UBR2: variants seen among roughly 807,000 people sequenced by gnomAD.
UBR2 encodes ubiquitin protein ligase E3 component n-recognin 2, also known as E3 ubiquitin-protein ligase UBR2.
Under a neutral mutation model 247.9 loss-of-function variants are expected in UBR2, and 92 were observed. The ratio of observed to expected loss-of-function variants is 0.37; its 90% CI spans 0.31 to 0.44. The LOEUF is 0.44. Among genes scored for constraint, UBR2 ranks in the 20% least tolerant of loss-of-function variants. UBR2 has a pLI of 1.00. For synonymous variants in UBR2, 672 were observed against 693.5 expected (o/e 0.97, Z 0.49); for missense variants, 1,613 against 2,112.6 (o/e 0.76, Z 4.64).
intron 11 of UBR2, among the ~76,000 whole-genome samples, chr6:42,624,478 CT>C (rs1215323197): frequency 2.0e-5 from 3 of 152,060 alleles, no homozygotes; most frequent in African/African-American, 4.8e-5. Flanking sequence ...CCAACAGATT[CT>C]TTCTGCCCAC....
At chr6:42,670,629 A>ATTTACCATT (rs1198937970) in intron 35 of UBR2, 31 bp from the exon 36 acceptor site, 3 of 1,408,620 alleles carry the variant, frequency 2.1e-6, no homozygotes, top group Non-Finnish European at 3.0e-6. Context: ...ATAACATAAC[A>ATTTACCATT]TTTACCATTT....
intron 8 of UBR2, among the ~76,000 whole-genome samples, chr6:42,614,447 T>TATACGTATATATGTATGTATGTAC (rs1562312451): frequency 5.0e-5 from 3 of 59,630 alleles, no homozygotes; most frequent in Non-Finnish European, 1.0e-4. Flanking sequence ...TACGTACATA[T>TATACGTATATATGTATGTATGTAC]ATATGTATGG....
intron 22 of UBR2, among the ~76,000 whole-genome samples, chr6:42,648,986 A>G (rs1361965154): frequency 6.6e-6 from 1 of 152,044 alleles, no homozygotes; most frequent in African/African-American, 2.4e-5. Context: ...TTTTTACATA[A>G]TATACTTTGT....
At position 42,692,908 on chromosome 6, in the gene UBR2, C is replaced by G. The variant is rs117477044; in HGVS notation, c.*1735C>G. The G allele has an allele frequency of 6.6e-6, 1 of 152,276 alleles. No homozygotes were observed. The highest frequency in any genetic ancestry group is 6.5e-5 in the Admixed American group (1 of 15,298). 9.4% of individuals were successfully genotyped at this position (152,276 alleles called of 1,614,324 possible). On this transcript the variant is annotated 3_prime_UTR_variant, in exon 47 of 47. Coordinates refer to ENST00000372901, the MANE Select transcript of UBR2 (RefSeq NM_001363705.2). ...CACATTTGAGTCCACCTCTCTCCCC[C>G]TTTTTCTGGCCTTCATTCATAAGAT...
intron 4 of UBR2, among the ~76,000 whole-genome samples, chr6:42,599,897 G>A (rs1793248911): frequency 6.6e-6 from 1 of 152,036 alleles, no homozygotes; most frequent in Non-Finnish European, 1.5e-5. Flanking sequence ...CGCCTAGCTA[G>A]AATTGTTTTT....
At chr6:42,687,484 A>G (rs1441151680) in intron 44 of UBR2, among the ~76,000 whole-genome samples, 1 of 152,078 alleles carries the variant, frequency 6.6e-6, no homozygotes, top group Non-Finnish European at 1.5e-5. Flanking sequence ...CAAAGGGGAG[A>G]GGGAGAGAAG....
Position 42,691,579 on chromosome 6 carries a change from A to G in UBR2, c.*406A>G, listed in dbSNP as rs1799753085. 3.9e-6 allele frequency: 1 copy of G among 256,650 alleles called. No individual in the cohort carries two copies. The highest frequency in any genetic ancestry group is 2.3e-5 in the African/African-American group (1 of 42,704). The allele number at this position is 256,650 out of a possible 1,614,324, so 15.9% of individuals were successfully genotyped here. On this transcript the variant is annotated 3_prime_UTR_variant, in exon 47 of 47. Transcript: ENST00000372901. ...CTGTTGGGTCATACTTCCTGGTTCC[A>G]CTGAGTGGCCCAACACTGGGACTGG...
At chr6:42,602,198 TTC>T (rs1793425112) in intron 4 of UBR2, among the ~76,000 whole-genome samples, 1 of 151,258 alleles carries the variant, frequency 6.6e-6, no homozygotes, top group African/African-American at 2.4e-5. Flanking sequence ...TTTTTTTTTT[TTC>T]TTCTTTTCTT....
intron 11 of UBR2, among the ~76,000 whole-genome samples, chr6:42,625,807 AT>A (rs775023705): frequency 3.3e-4 from 49 of 147,548 alleles, no homozygotes; most frequent in Middle Eastern, 3.9e-3. Context: ...GCGTTGATTT[AT>A]TTTTCCCCCC....
intron 2 of UBR2, among the ~76,000 whole-genome samples, chr6:42,589,042 G>A (rs1582466311): frequency 6.6e-6 from 1 of 152,014 alleles, no homozygotes; most frequent in South Asian, 2.1e-4. Flanking sequence ...GTGCAGTAGC[G>A]AGATCATAGC....
chr6:42,654,496 G>A (rs913653006), intron 25 of UBR2, among the ~76,000 whole-genome samples: 3 of 152,128 alleles, frequency 2.0e-5, no homozygotes, highest in Non-Finnish European at 1.5e-5. Context: ...AGGCCAAGGC[G>A]GGTAGATCAC....
intron 31 of UBR2, among the ~76,000 whole-genome samples, chr6:42,663,055 C>CT (rs11392975): frequency 0.25 from 37,182 of 150,672 alleles, 4,933 homozygotes; most frequent in East Asian, 0.46. Flanking sequence ...ACATGGCAGT[C>CT]TTTTTTTTTA....
At position 42,662,179 on chromosome 6, in the gene UBR2, T is replaced by C; in HGVS notation, c.3443-5T>C. 1 of 1,579,676 alleles carries C rather than the reference T, an allele frequency of 6.3e-7. No homozygotes were observed. ...TGTTTTGTTTTGTTTTGTTTTGTAA[T>C]GCAGAAAAATATGATCCATTATTCA... On this transcript the variant is annotated splice_region_variant and splice_polypyrimidine_tract_variant and intron_variant, in intron 30 of 46. Coordinates refer to ENST00000372901, the MANE Select transcript of UBR2 (RefSeq NM_001363705.2).
In UBR2 at chr6:42,666,271, A is replaced by T. The variant is rs368991213; in HGVS notation, c.3881+26A>T. The T allele has an allele frequency of 5.8e-6, 9 of 1,562,504 alleles. No homozygotes were observed. The African/African-American group carries it at 1.2e-4, about 21-fold the overall frequency. On this transcript the variant is annotated intron_variant, in intron 34 of 46. Transcript: ENST00000372901. Reference sequence around the variant, plus strand: ...GTGAGTATATTATTTTACTCCTTTAATATTTGACCCATTTGAAATGAATGA... The same window carrying T: ...GTGAGTATATTATTTTACTCCTTTATTATTTGACCCATTTGAAATGAATGA...
At chr6:42,632,320 GT>G (rs1026112494) in intron 11 of UBR2, among the ~76,000 whole-genome samples, 6 of 151,942 alleles carry the variant, frequency 3.9e-5, no homozygotes, top group Non-Finnish European at 7.4e-5. Flanking sequence ...CCTTGGAACT[GT>G]CTTCTAACAT....
rs1042844913 is a variant in UBR2, at chr6:42,659,548, C to G, written c.3243-108C>G. The G allele has an allele frequency of 5.3e-6, 4 of 751,670 alleles. No homozygotes were observed. Among genetic ancestry groups the G allele is most frequent in the Non-Finnish European group, 8.6e-6 (4 of 462,488 alleles). The allele number at this position is 751,670 out of a possible 1,614,324, so 46.6% of individuals were successfully genotyped here. On this transcript the variant is annotated intron_variant, in intron 29 of 46. Coordinates refer to ENST00000372901, the MANE Select transcript of UBR2 (RefSeq NM_001363705.2). The surrounding 1 kb of genome is among the most constrained non-coding windows in gnomAD (Gnocchi z 4.3). Reference sequence around the variant, plus strand: ...ACACACACACACACACACACACACACACACACACACACACTACACACACAC... The same window carrying G: ...ACACACACACACACACACACACACAGACACACACACACACTACACACACAC...
intron 19 of UBR2, 22 bp downstream of exon 19, chr6:42,644,358 C>G (rs1201119113): frequency 6.2e-7 from 1 of 1,609,106 alleles, no homozygotes; most frequent in Admixed American, 1.7e-5. Flanking sequence ...TTTTATGAAA[C>G]CACAACACAT....
At chr6:42,639,643 T>C (rs1039467000) in intron 15 of UBR2, among the ~76,000 whole-genome samples, 36 of 152,174 alleles carry the variant, frequency 2.4e-4, no homozygotes, top group African/African-American at 8.2e-4. Context: ...GGACCGTGAA[T>C]TCCAGGGCCA....
chr6:42,640,438 A>G (rs1322004085), intron 16 of UBR2, among the ~76,000 whole-genome samples, 168 bp downstream of exon 16: 2 of 144,338 alleles, frequency 1.4e-5, no homozygotes, highest in Admixed American at 7.0e-5. Context: ...GTGTGTGTAT[A>G]GATACATATA....
Sources: allele counts gnomAD v4.1 joint callset (sites outside exome capture counted in the v4.1 genomes callset), GRCh38; gene constraint gnomAD v4.1.1; non-coding constraint Gnocchi (gnomAD v3.1); transcripts MANE v1.5; gene names NCBI Gene and HGNC (gene_info 2026-07-23, HGNC 2026-07-21).